Variants in MTHFSD observed in about 807,000 individuals in gnomAD.
The protein encoded by MTHFSD is methenyltetrahydrofolate synthase domain-containing protein.
MTHFSD carries 37 observed loss-of-function variants against 31.1 expected under a neutral mutation model. The observed-to-expected ratio is 1.19, with a 90% CI of 0.91 to 1.56. The LOEUF is 1.56. MTHFSD is among the 40% of genes most tolerant of loss of function. The pLI is 0.00. For synonymous variants in MTHFSD, 221 were observed against 206.9 expected, an observed-to-expected ratio of 1.07 and a Z score of -0.59; for missense variants, 664 against 510.1, an observed-to-expected ratio of 1.30 and a Z score of -2.91.
intron 4 of MTHFSD, chr16:86,547,448 A>G: frequency 2.0e-6 from 2 of 986,302 alleles, no homozygotes; most frequent in Non-Finnish European, 2.4e-6. Flanking sequence ...ATCAGTGCAT[A>G]CGGGTGGCTT....
At chr16:86,535,076 C>T (rs573941446) in intron 7 of MTHFSD, 32 of 242,566 alleles carry the variant, frequency 1.3e-4, no homozygotes, top group African/African-American at 6.8e-4. Context: ...TATATCCTTC[C>T]GTGCACATCA....
rs543846642 is a variant in MTHFSD at position 86,538,787 on chromosome 16, T to C, written c.681+2910A>G. Among the ~76,000 whole-genome samples the C allele has an allele frequency of 2.4e-4, 36 of 152,268 alleles. No individual in the cohort carries two copies. The South Asian group carries it at 6.0e-3, about 25-fold the overall frequency. On this transcript the variant is annotated intron_variant, in intron 7 of 7. Coordinates refer to ENST00000360900, the MANE Select transcript of MTHFSD (RefSeq NM_001159377.2). ...ACCATCTCCAGCCTGGCAGAGATCCTTGGTGTAGCTAGGGGTTCAGGGAGT... is the reference window on the plus strand; with the variant it reads ...ACCATCTCCAGCCTGGCAGAGATCCCTGGTGTAGCTAGGGGTTCAGGGAGT...
chr16:86,546,710 C>T, intron 4 of MTHFSD, 61 bp from the exon 5 acceptor site: 1 of 1,437,536 alleles, frequency 7.0e-7, no homozygotes, highest in South Asian at 1.1e-5. Flanking sequence ...TTTTATAATT[C>T]ATGATCAAAG....
intron 5 of MTHFSD, 55 bp downstream of exon 5, chr16:86,546,504 C>T: frequency 1.3e-6 from 2 of 1,497,884 alleles, no homozygotes; most frequent in East Asian, 2.3e-5. Context: ...GCCTGGCACG[C>T]AGCCGCCTTC....
intron 1 of MTHFSD, 121 bp downstream of exon 1, chr16:86,555,048 G>T: frequency 6.8e-7 from 1 of 1,469,658 alleles, no homozygotes; most frequent in Non-Finnish European, 9.0e-7. Flanking sequence ...TGACCTCCTC[G>T]GCCGCTTCCG....
intron 7 of MTHFSD, among the ~76,000 whole-genome samples, chr16:86,538,848 G>A (rs1046444721): frequency 1.3e-5 from 2 of 152,194 alleles, no homozygotes; most frequent in Non-Finnish European, 2.9e-5. Flanking sequence ...GGGAGATGGG[G>A]CAGCAGCGGC....
At chr16:86,545,215 A>G (rs1231523297) in intron 5 of MTHFSD, among the ~76,000 whole-genome samples, 1 of 152,196 alleles carries the variant, frequency 6.6e-6, no homozygotes, top group Non-Finnish European at 1.5e-5. Context: ...GAACTTAAAA[A>G]AAAAAGATAT....
At chr16:86,550,626 A>G (rs1483461274) in intron 3 of MTHFSD, among the ~76,000 whole-genome samples, 1 of 152,206 alleles carries the variant, frequency 6.6e-6, no homozygotes, top group Non-Finnish European at 1.5e-5. Context: ...AGTAGTAGAG[A>G]ACCAAACCAC....
intron 2 of MTHFSD, chr16:86,553,405 C>T (rs1475264156): frequency 1.3e-5 from 2 of 152,634 alleles, no homozygotes; most frequent in Middle Eastern, 3.1e-3. Context: ...GGCCGGCTCC[C>T]TCAGCTTGCT....
intron 7 of MTHFSD, among the ~76,000 whole-genome samples, chr16:86,537,183 G>A (rs1050017878): frequency 3.3e-5 from 5 of 152,130 alleles, no homozygotes; most frequent in Non-Finnish European, 7.4e-5. Context: ...GGAAATTTGG[G>A]AAGAAGGTAG....
intron 7 of MTHFSD, among the ~76,000 whole-genome samples, chr16:86,537,758 GAGAACCA>G (rs1970912790): frequency 6.6e-6 from 1 of 152,206 alleles, no homozygotes; most frequent in Non-Finnish European, 1.5e-5. Flanking sequence ...GTGGCCATCT[GAGAACCA>G]CACTCCCCAG....
intron 7 of MTHFSD, 114 bp downstream of exon 7, chr16:86,541,583 T>G (rs1971520167): frequency 1.4e-6 from 2 of 1,439,624 alleles, no homozygotes; most frequent in Non-Finnish European, 9.4e-7. Context: ...CCTTGGGTGA[T>G]TCTAACATAC....
chr16:86,538,394 C>T (rs551308430), intron 7 of MTHFSD, among the ~76,000 whole-genome samples: 12 of 152,178 alleles, frequency 7.9e-5, no homozygotes, highest in African/African-American at 2.4e-4. Flanking sequence ...GGTGCTCACT[C>T]GGGTCCAGCA....
chr16:86,550,383 C>T (rs1038149756), intron 3 of MTHFSD, among the ~76,000 whole-genome samples: 1 of 152,200 alleles, frequency 6.6e-6, no homozygotes, highest in African/African-American at 2.4e-5. Context: ...AGGGCTGCAC[C>T]CCTCTTCCAG....
At chr16:86,554,925 G>A (rs1973860427) in intron 1 of MTHFSD, 174 bp from the exon 2 acceptor site, 1 of 1,120,622 alleles carries the variant, frequency 8.9e-7, no homozygotes. Flanking sequence ...CACGTGCACG[G>A]CAGGTGTCCC....
chr16:86,547,030 C>T (rs770080442), intron 4 of MTHFSD: 1 of 485,328 alleles, frequency 2.1e-6, no homozygotes, highest in Non-Finnish European at 2.8e-6. Flanking sequence ...CTGGAGCTCT[C>T]TGAGCCTCAG....
chr16:86,554,929 G>C lies in MTHFSD; in HGVS notation c.17-178C>G. The C allele has an allele frequency of 5.3e-6, 6 of 1,142,746 alleles. No individual in the cohort carries two copies. In the South Asian group the frequency reaches 8.1e-5, roughly 15 times the overall value. 70.8% of individuals were successfully genotyped at this position (1,142,746 alleles called of 1,614,324 possible). A position where few individuals can be genotyped will look rare whatever the true frequency, so the allele number is the denominator to read the frequency against. ...ACGGGCTCCCCCACGTGCACGGCAG[G>C]TGTCCCTCCCGCCTCGTCTTCTCGT... On this transcript the variant is annotated intron_variant, in intron 1 of 7. Coordinates refer to ENST00000360900, the MANE Select transcript of MTHFSD (RefSeq NM_001159377.2).
chr16:86,554,992 G>A (rs1165861237), intron 1 of MTHFSD, 177 bp downstream of exon 1: 2 of 1,366,142 alleles, frequency 1.5e-6, no homozygotes, highest in Non-Finnish European at 1.9e-6. Flanking sequence ...CGGGATTCCG[G>A]GCGAGAGAGC....
intron 5 of MTHFSD, among the ~76,000 whole-genome samples, chr16:86,544,949 C>T (rs527851083): frequency 4.6e-5 from 7 of 152,246 alleles, no homozygotes; most frequent in African/African-American, 1.2e-4. Context: ...AGCAAACGAA[C>T]GCAGGAACAG....
Sources: allele counts gnomAD v4.1 joint callset (sites outside exome capture counted in the v4.1 genomes callset), GRCh38; gene constraint gnomAD v4.1.1; transcripts MANE v1.5; gene names NCBI Gene and HGNC (gene_info 2026-07-23, HGNC 2026-07-21).